SNX1: variants seen among roughly 807,000 people sequenced by gnomAD.
The protein encoded by SNX1 is sorting nexin 1.
A neutral mutation model predicts 71.8 loss-of-function variants in SNX1; 36 were observed. The ratio of observed to expected loss-of-function variants is 0.50; its 90% CI spans 0.38 to 0.66. The LOEUF (loss-of-function observed/expected upper bound fraction) is 0.66, where lower values mean the gene tolerates loss of function less well. Among genes scored for constraint, SNX1 ranks in the 30% least tolerant of loss-of-function variants. The pLI, the probability that SNX1 is intolerant of heterozygous loss-of-function variation, is 0.00. For synonymous variants in SNX1, 254 were observed against 240.7 expected (o/e 1.06, Z -0.51); for missense variants, 612 against 646.7 (o/e 0.95, Z 0.58).
At chr15:64,100,447 A>G (rs1179984478) in intron 1 of SNX1, among the ~76,000 whole-genome samples, 1 of 152,044 alleles carries the variant, frequency 6.6e-6, no homozygotes, top group Non-Finnish European at 1.5e-5. Flanking sequence ...TAAAAACACA[A>G]AAATTAGCCG....
chr15:64,130,653 A>G (rs1291780088), intron 10 of SNX1, among the ~76,000 whole-genome samples: 2 of 152,226 alleles, frequency 1.3e-5, no homozygotes, highest in Admixed American at 1.3e-4. Flanking sequence ...ACATGGTCAA[A>G]CCAGCAATGC....
intron 1 of SNX1, among the ~76,000 whole-genome samples, chr15:64,104,333 C>T (rs890925100): frequency 5.2e-5 from 7 of 134,414 alleles, no homozygotes; most frequent in East Asian, 4.6e-4. Flanking sequence ...AGTGCAGTGG[C>T]GCGATTTTGG....
chr15:64,111,039 T>C (rs988097611), intron 1 of SNX1, among the ~76,000 whole-genome samples: 1 of 152,242 alleles, frequency 6.6e-6, no homozygotes, highest in African/African-American at 2.4e-5. Context: ...TAATGTATAC[T>C]GGATTTTAAT....
rs1014349652 is a variant in SNX1, at chr15:64,138,251, A to T, written c.*633A>T. 6.9e-7 allele frequency: 1 copy of T among 1,445,510 alleles called. No individual in the cohort carries two copies. The highest frequency in any genetic ancestry group is 1.4e-5 in the African/African-American group (1 of 69,476). The allele number at this position is 1,445,510 out of a possible 1,614,324, so 89.5% of individuals were successfully genotyped here. On this transcript the variant is annotated 3_prime_UTR_variant, in exon 15 of 15. Coordinates refer to ENST00000559844, the MANE Select transcript of SNX1 (RefSeq NM_003099.5). ...TCTTTAGGGAAGGAGTTTTAAAAACATCTCTTAAAATAAGAGGAGCAAAAT... is the reference window on the plus strand; with the variant it reads ...TCTTTAGGGAAGGAGTTTTAAAAACTTCTCTTAAAATAAGAGGAGCAAAAT...
At chr15:64,104,295 C>T (rs1345177454) in intron 1 of SNX1, among the ~76,000 whole-genome samples, 4 of 108,362 alleles carry the variant, frequency 3.7e-5, no homozygotes, top group South Asian at 2.6e-4. Flanking sequence ...TTTTTTGGGA[C>T]GGAGTCTCGC....
intron 12 of SNX1, among the ~76,000 whole-genome samples, chr15:64,135,636 A>C (rs2081351414): frequency 6.6e-6 from 1 of 151,508 alleles, no homozygotes; most frequent in South Asian, 2.1e-4. Context: ...GCACCCACTT[A>C]TAGTCTCAGA....
rs774127516 is a variant in SNX1, at chr15:64,134,899, G to A, written c.1365+92G>A. ...CACCCAGAGGTTTGGAACCCCACAGGGGGAAGAGCGCTGATTGAGTCTAAA... is the reference window on the plus strand; with the variant it reads ...CACCCAGAGGTTTGGAACCCCACAGAGGGAAGAGCGCTGATTGAGTCTAAA... On this transcript the variant is annotated intron_variant, in intron 12 of 14. Coordinates refer to ENST00000559844, the MANE Select transcript of SNX1 (RefSeq NM_003099.5). This position sits in a 1 kb window ranked among gnomAD's most constrained non-coding sequence, Gnocchi z 4.1. 3 of 1,505,504 alleles carry A rather than the reference G, an allele frequency of 2.0e-6. No homozygotes were observed. The highest frequency in any genetic ancestry group is 1.4e-5 in the African/African-American group (1 of 72,310). 93.3% of individuals were successfully genotyped at this position (1,505,504 alleles called of 1,614,324 possible). A position where few individuals can be genotyped will look rare whatever the true frequency, so the allele number is the denominator to read the frequency against.
At chr15:64,104,884 TAA>T (rs35090758) in intron 1 of SNX1, among the ~76,000 whole-genome samples, 10,105 of 125,560 alleles carry the variant, frequency 0.08, 1,158 homozygotes, top group African/African-American at 0.26. Context: ...GACTTGATCT[TAA>T]AAAAAAAAAA....
intron 1 of SNX1, among the ~76,000 whole-genome samples, chr15:64,111,234 G>T (rs998729255): frequency 6.6e-6 from 1 of 152,168 alleles, no homozygotes; most frequent in Non-Finnish European, 1.5e-5. Context: ...TCCTGTTTCT[G>T]TCTTTCTGCA....
chr15:64,135,272 C>G (rs1468429595), intron 12 of SNX1, among the ~76,000 whole-genome samples: 1 of 151,644 alleles, frequency 6.6e-6, no homozygotes, highest in Non-Finnish European at 1.5e-5. Context: ...CTCCTGCCAC[C>G]ACACCTGGCT....
At chr15:64,137,018 A>C in intron 14 of SNX1, 86 bp downstream of exon 14, 1 of 1,058,950 alleles carries the variant, frequency 9.4e-7, no homozygotes, top group Non-Finnish European at 1.4e-6. Flanking sequence ...CAAGATGTGC[A>C]GGCCCTGCTT....
intron 8 of SNX1, among the ~76,000 whole-genome samples, chr15:64,128,686 G>A (rs987242925): frequency 9.2e-5 from 14 of 152,188 alleles, no homozygotes; most frequent in Non-Finnish European, 1.0e-4. Context: ...CTTTTCTTGT[G>A]GATATTCTTA....
intron 1 of SNX1, among the ~76,000 whole-genome samples, chr15:64,099,176 C>A (rs545367323): frequency 6.6e-6 from 1 of 152,272 alleles, no homozygotes; most frequent in Admixed American, 6.5e-5. Context: ...TGATTTAAAT[C>A]TAGGCTCTAT....
In SNX1 at chr15:64,118,158, CAGA is replaced by C. The variant is rs943428498; in HGVS notation, c.319_321del (p.Lys107del). 3 of 1,611,776 alleles carry C rather than the reference CAGA, an allele frequency of 1.9e-6. No homozygotes were observed. The highest frequency in any genetic ancestry group is 1.7e-5 in the Admixed American group (1 of 58,958). ...ATCCTTGGACAGCACACAAAATAAT[CAGA>C]AGAAGGTGCTAGCCAAAACACTCAT... On this transcript the variant is annotated inframe_deletion, in exon 3 of 15. Coordinates refer to ENST00000559844, the MANE Select transcript of SNX1 (RefSeq NM_003099.5).
intron 2 of SNX1, 49 bp from the exon 3 acceptor site, chr15:64,118,068 T>G (rs2081150746): frequency 1.9e-6 from 3 of 1,595,274 alleles, no homozygotes; most frequent in Non-Finnish European, 2.6e-6. Flanking sequence ...AGTTTAGCCT[T>G]CAAAGACTCA....
chr15:64,103,338 C>G (rs933946007), intron 1 of SNX1, among the ~76,000 whole-genome samples: 2 of 152,104 alleles, frequency 1.3e-5, no homozygotes, highest in African/African-American at 4.8e-5. Flanking sequence ...TGAGTGTTCC[C>G]CTTTCTCCAT....
chr15:64,121,155 A>T (rs1206681222), intron 4 of SNX1, among the ~76,000 whole-genome samples: 1 of 152,222 alleles, frequency 6.6e-6, no homozygotes, highest in African/African-American at 2.4e-5. Context: ...AATGAATGGC[A>T]CTTATTCTCT....
chr15:64,126,856 G>T (rs887658352), intron 6 of SNX1, among the ~76,000 whole-genome samples: 1 of 152,196 alleles, frequency 6.6e-6, no homozygotes, highest in Non-Finnish European at 1.5e-5. Context: ...GGGATTACAG[G>T]TGTGTGCCAC....
At chr15:64,124,147 C>CATATATATGTATAT (rs2081224157) in intron 5 of SNX1, among the ~76,000 whole-genome samples, 1 of 105,432 alleles carries the variant, frequency 9.5e-6, no homozygotes, top group Non-Finnish European at 1.7e-5. Context: ...GAAATCTTTA[C>CATATATATGTATAT]ATATATATAT....
Sources: gnomAD v4.1 joint callset for allele counts (sites outside exome capture counted in the v4.1 genomes callset) on GRCh38, gnomAD v4.1.1 for gene constraint, Gnocchi (gnomAD v3.1) non-coding constraint, MANE v1.5 for transcripts, NCBI Gene and HGNC (gene_info 2026-07-23, HGNC 2026-07-21) for gene names.